The following ABLIM3 variants were observed in gnomAD, a reference collection of about 807,000 sequenced individuals.
ABLIM3 encodes the protein actin binding LIM protein family member 3.
In ABLIM3, 61 loss-of-function variants were observed where a neutral mutation model predicts 109.5. The observed-to-expected ratio is 0.56, with a 90% CI of 0.45 to 0.69. The LOEUF (loss-of-function observed/expected upper bound fraction) is 0.69, where lower values mean the gene tolerates loss of function less well. ABLIM3 is among the 30% of genes least tolerant of loss of function. ABLIM3 has a pLI of 0.00. For synonymous variants in ABLIM3, 300 were observed against 324.8 expected, an observed-to-expected ratio of 0.92 and a Z score of 0.82; for missense variants, 796 against 889.5, an observed-to-expected ratio of 0.89 and a Z score of 1.34.
At chr5:149,201,796 C>T (rs1267747984) in intron 5 of ABLIM3, among the ~76,000 whole-genome samples, 1 of 152,140 alleles carries the variant, frequency 6.6e-6, no homozygotes, top group Non-Finnish European at 1.5e-5. Flanking sequence ...TGCTGAGGAC[C>T]TCCGAGACTG....
chr5:149,247,630 C>T (rs1561634306), intron 17 of ABLIM3, 152 bp from the exon 18 acceptor site: 1 of 990,906 alleles, frequency 1.0e-6, no homozygotes, highest in Non-Finnish European at 1.5e-6. Context: ...CAACAGGAAA[C>T]ATGGGTGCCA....
At chr5:149,246,348 AAAC>A in intron 16 of ABLIM3, 131 bp from the exon 17 acceptor site, 1 of 841,520 alleles carries the variant, frequency 1.2e-6, no homozygotes, top group South Asian at 1.8e-5. Flanking sequence ...GGCTTAGCTT[AAAC>A]GAGACTGTTT....
At chr5:149,187,941 T>C (rs1306607289) in intron 3 of ABLIM3, among the ~76,000 whole-genome samples, 1 of 152,148 alleles carries the variant, frequency 6.6e-6, no homozygotes, top group African/African-American at 2.4e-5. Context: ...CCTCTTCCCC[T>C]CCCTTGTCCA....
chr5:149,155,918 T>A (rs1174523142), intron 2 of ABLIM3, among the ~76,000 whole-genome samples: 1 of 152,128 alleles, frequency 6.6e-6, no homozygotes, highest in Non-Finnish European at 1.5e-5. Flanking sequence ...TGGAGCCCAG[T>A]AGTGACCTGC....
At chr5:149,225,065 T>C (rs1761036068) in intron 8 of ABLIM3, among the ~76,000 whole-genome samples, 1 of 152,220 alleles carries the variant, frequency 6.6e-6, no homozygotes, top group African/African-American at 2.4e-5. Context: ...TTTGGCACTT[T>C]CAGTAGCAAA....
Position 149,249,994 on chromosome 5 carries a change from A to G in ABLIM3, c.1729+150A>G, listed in dbSNP as rs1290815377. The G allele has an allele frequency of 4.8e-6, 5 of 1,045,508 alleles. No homozygotes were observed. The Admixed American group carries it at 8.7e-5, about 18-fold the overall frequency. The allele number at this position is 1,045,508 out of a possible 1,614,324, so 64.8% of individuals were successfully genotyped here. A position where few individuals can be genotyped will look rare whatever the true frequency, so the allele number is the denominator to read the frequency against. ...AATAGTCTACTCCATTGTATTTGTC[A>G]GATTGTGGGTCTGCATTTGGGTTTC... On this transcript the variant is annotated intron_variant, in intron 19 of 23. Transcript: ENST00000309868.
intron 8 of ABLIM3, chr5:149,219,858 A>T (rs1224379581): frequency 6.6e-6 from 1 of 152,124 alleles, no homozygotes; most frequent in Non-Finnish European, 1.5e-5. Flanking sequence ...TCCCATTCTC[A>T]TCCCTACCTG....
At chr5:149,242,308 G>A (rs577673752) in intron 14 of ABLIM3, among the ~76,000 whole-genome samples, 183 bp from the exon 15 acceptor site, 6 of 152,280 alleles carry the variant, frequency 3.9e-5, no homozygotes, top group African/African-American at 7.2e-5. Flanking sequence ...CTGTTGGGAC[G>A]AGGTTGAAAG....
chr5:149,241,168 C>G (rs1465694857), intron 14 of ABLIM3, among the ~76,000 whole-genome samples: 2 of 152,244 alleles, frequency 1.3e-5, no homozygotes, highest in East Asian at 1.9e-4. Context: ...GAGCCAGTTA[C>G]TTGGCTTCCC....
intron 16 of ABLIM3, among the ~76,000 whole-genome samples, chr5:149,245,923 G>T (rs185404665): frequency 5.9e-5 from 9 of 152,330 alleles, no homozygotes; most frequent in Admixed American, 1.3e-4. Flanking sequence ...AGCACTTTGG[G>T]AGGCCAAGTT....
Position 149,183,568 on chromosome 5 carries a change from A to T in ABLIM3, c.130A>T (p.Ile44Phe). Residue 44 changes from isoleucine (I) to phenylalanine (F), a missense_variant, in exon 3 of 24, where the codon ATC becomes TTC. Ile to Phe is a conservative substitution (Grantham distance 21). Coordinates refer to ENST00000309868, the MANE Select transcript of ABLIM3 (RefSeq NM_014945.5). ...CCGCGTGCACAACAACCACTTCCAC[A>T]TCAGATGCTTCACCTGTCAAGGTAG... ...VVRVHNNHFH[I>F]RCFTCQVCGC... The T allele has an allele frequency of 1.3e-6, 2 of 1,571,358 alleles. No homozygotes were observed. The highest frequency in any genetic ancestry group is 1.7e-6 in the Non-Finnish European group (2 of 1,159,868).
chr5:149,146,147 G>A (rs1290534099), intron 2 of ABLIM3, among the ~76,000 whole-genome samples: 1 of 151,900 alleles, frequency 6.6e-6, no homozygotes, highest in Non-Finnish European at 1.5e-5. Context: ...ATGGTTTTTG[G>A]GGGCGTGGGG....
At chr5:149,188,907 G>A (rs1397944853) in intron 3 of ABLIM3, among the ~76,000 whole-genome samples, 3 of 152,156 alleles carry the variant, frequency 2.0e-5, no homozygotes, top group African/African-American at 7.2e-5. Flanking sequence ...ACATAGAATA[G>A]CCAAGCAATC....
At chr5:149,185,865 C>T (rs906933001) in intron 3 of ABLIM3, among the ~76,000 whole-genome samples, 25 of 152,188 alleles carry the variant, frequency 1.6e-4, no homozygotes, top group African/African-American at 4.3e-4. Context: ...AGAAACCCTG[C>T]TGTGACTCCC....
Position 149,247,959 on chromosome 5 carries a change from C to T in ABLIM3, c.1699+30C>T, listed in dbSNP as rs1471878852. 7.5e-6 allele frequency: 12 copies of T among 1,604,056 alleles called. No individual in the cohort carries two copies. In the East Asian group the frequency reaches 2.0e-4, roughly 27 times the overall value. ...GCATGGCTCTGGAAGCCCAACGGGG[C>T]GGGGACACCTTTCTCTGTGACTAGC... On this transcript the variant is annotated intron_variant, in intron 18 of 23. Coordinates refer to ENST00000309868, the MANE Select transcript of ABLIM3 (RefSeq NM_014945.5).
chr5:149,210,800 T>A lies in ABLIM3; in HGVS notation c.650T>A (p.Ile217Asn). ...GIKCETCDRY[I>N]SGRVLEAGGK... is the part of the protein sequence containing the mutation. ...AAATGTGAGACTTGTGACCGATACA[T>A]CAGTGGCAGAGTCTTGGAGGTGAGT... Residue 217 changes from isoleucine to asparagine, a missense_variant, in exon 7 of 24, where the codon ATC becomes AAC. Physicochemically the swap from Ile to Asn is moderately radical, Grantham distance 149 (BLOSUM62 -3). Transcript: ENST00000309868. 1 of 1,614,128 alleles carries A rather than the reference T, an allele frequency of 6.2e-7. No individual in the cohort carries two copies. The highest frequency in any genetic ancestry group is 8.5e-7 in the Non-Finnish European group (1 of 1,179,970).
At chr5:149,163,239 C>G (rs1202848419) in intron 2 of ABLIM3, among the ~76,000 whole-genome samples, 1 of 151,962 alleles carries the variant, frequency 6.6e-6, no homozygotes, top group African/African-American at 2.4e-5. Context: ...GAAAGGAGAC[C>G]ACTCCTTACA....
At chr5:149,238,247 C>A (rs1051774136) in intron 11 of ABLIM3, among the ~76,000 whole-genome samples, 3 of 152,182 alleles carry the variant, frequency 2.0e-5, no homozygotes, top group East Asian at 1.9e-4. Flanking sequence ...GAGGTCCTGG[C>A]AGTCTATATC....
intron 23 of ABLIM3, among the ~76,000 whole-genome samples, chr5:149,256,324 G>A (rs909201834): frequency 6.6e-6 from 1 of 152,194 alleles, no homozygotes; most frequent in Non-Finnish European, 1.5e-5. Context: ...AATAACAAAC[G>A]ATTCCAAAGT....
Sources: gnomAD v4.1 joint callset for allele counts (sites outside exome capture counted in the v4.1 genomes callset) on GRCh38, gnomAD v4.1.1 for gene constraint, MANE v1.5 for transcripts, NCBI Gene and HGNC (gene_info 2026-07-23, HGNC 2026-07-21) for gene names.